Variants in CDK19 observed in about 807,000 individuals in gnomAD.
CDK19 encodes cyclin dependent kinase 19, also known as cyclin-dependent kinase 19.
A neutral mutation model predicts 68.3 loss-of-function variants in CDK19; 20 were observed. The observed-to-expected ratio is 0.29, with a 90% CI of 0.21 to 0.43. The LOEUF (loss-of-function observed/expected upper bound fraction) is 0.43. CDK19 is among the 20% of genes least tolerant of loss of function. The probability of loss-of-function intolerance (pLI) is 1.00; values close to 1 mark genes in which losing one functional copy is unlikely to be tolerated. For missense variants in CDK19, 339 were observed against 623.5 expected (o/e 0.54, Z 4.86); for synonymous variants, 221 against 222.8 (o/e 0.99, Z 0.07).
At position 110,628,522 on chromosome 6, in the gene CDK19, T is replaced by C. The variant is rs544567092; in HGVS notation, c.647-1377A>G. 5.3e-5 allele frequency among the ~76,000 whole-genome samples: 8 copies of C among 152,340 alleles called. No homozygotes were observed. In the South Asian group the frequency reaches 1.4e-3, roughly 28 times the overall value. ...GGGATGTGAATCATCCCTCTGTTCA[T>C]CCACACTGTATACTCACTACCCACT... On this transcript the variant is annotated intron_variant, in intron 6 of 12. Coordinates refer to ENST00000368911, the MANE Select transcript of CDK19 (RefSeq NM_015076.5).
Position 110,692,864 on chromosome 6 carries a change from G to A in CDK19, c.205-22323C>T, listed in dbSNP as rs1773131737. On this transcript the variant is annotated intron_variant, in intron 2 of 12. Coordinates refer to ENST00000368911, the MANE Select transcript of CDK19 (RefSeq NM_015076.5). ...ATACAAACATTAGCCAGACATGTTG[G>A]TGGGCACCTGTAATCCCAGCTACTT... 2.0e-5 allele frequency among the ~76,000 whole-genome samples: 3 copies of A among 152,156 alleles called. No individual in the cohort carries two copies. The South Asian group carries it at 6.2e-4, about 32-fold the overall frequency.
chr6:110,627,448 A>G (rs1396581189), intron 6 of CDK19, among the ~76,000 whole-genome samples: 1 of 152,206 alleles, frequency 6.6e-6, no homozygotes, highest in Non-Finnish European at 1.5e-5. Flanking sequence ...TTTTCTGATG[A>G]CAATAAATGG....
At chr6:110,677,625 C>T (rs1276764942) in intron 2 of CDK19, among the ~76,000 whole-genome samples, 1 of 150,788 alleles carries the variant, frequency 6.6e-6, no homozygotes, top group Non-Finnish European at 1.5e-5. Flanking sequence ...TTGAGGTTCT[C>T]TAGTATCACT....
intron 1 of CDK19, among the ~76,000 whole-genome samples, chr6:110,768,351 A>T (rs1378994339): frequency 6.6e-6 from 1 of 152,208 alleles, no homozygotes. Flanking sequence ...AAAACTAAAC[A>T]TGTTCATGCC....
chr6:110,646,592 C>CG, intron 4 of CDK19: 1 of 535,620 alleles, frequency 1.9e-6, no homozygotes, highest in Non-Finnish European at 2.9e-6. Context: ...ACCGGGCCAA[C>CG]GGCGGAGGGG....
intron 5 of CDK19, among the ~76,000 whole-genome samples, chr6:110,637,008 G>A (rs1213499250): frequency 1.8e-4 from 28 of 152,246 alleles, no homozygotes; most frequent in Admixed American, 1.8e-3. Context: ...AGACAGCTCT[G>A]ATATCACTAG....
At chr6:110,645,808 A>G (rs2691174) in intron 4 of CDK19, 128,244 of 601,258 alleles carry the variant, frequency 0.21, 14,938 homozygotes, top group African/African-American at 0.36. Flanking sequence ...CTATCTAGAG[A>G]CGGAGGGATG....
intron 1 of CDK19, among the ~76,000 whole-genome samples, chr6:110,771,143 T>G (rs1779989447): frequency 6.6e-6 from 1 of 152,184 alleles, no homozygotes; most frequent in South Asian, 2.1e-4. Flanking sequence ...TCCACTAGCC[T>G]GTGCCCCACT....
rs544720662 is a variant in CDK19 at position 110,704,415 on chromosome 6, C to T, written c.205-33874G>A. On this transcript the variant is annotated intron_variant, in intron 2 of 12. Transcript: ENST00000368911. ...CTTTTTCTCCCTTTTATCCAACTCTCCACCCCTCCTCCCCACCAACCCTTG... is the reference window on the plus strand; with the variant it reads ...CTTTTTCTCCCTTTTATCCAACTCTTCACCCCTCCTCCCCACCAACCCTTG... Among the ~76,000 whole-genome samples the T allele has an allele frequency of 3.3e-5, 5 of 152,128 alleles. No individual in the cohort carries two copies. The South Asian group carries it at 1.0e-3, about 32-fold the overall frequency.
At chr6:110,660,136 A>G (rs531404357) in intron 4 of CDK19, among the ~76,000 whole-genome samples, 1 of 152,268 alleles carries the variant, frequency 6.6e-6, no homozygotes, top group South Asian at 2.1e-4. Flanking sequence ...CTAGCCCCAA[A>G]TATCATTTAA....
chr6:110,688,228 A>G (rs141603080), intron 2 of CDK19, among the ~76,000 whole-genome samples: 1 of 152,100 alleles, frequency 6.6e-6, no homozygotes, highest in Non-Finnish European at 1.5e-5. Context: ...TCTACTAAAA[A>G]TAAAAAAATT....
intron 1 of CDK19, among the ~76,000 whole-genome samples, chr6:110,756,561 A>T (rs1010389062): frequency 1.3e-5 from 2 of 152,084 alleles, no homozygotes; most frequent in African/African-American, 4.8e-5. Context: ...CTTAAAAAAA[A>T]AAAAAAATTA....
At chr6:110,643,609 CAA>C (rs1211776771) in intron 4 of CDK19, among the ~76,000 whole-genome samples, 1 of 152,088 alleles carries the variant, frequency 6.6e-6, no homozygotes, top group East Asian at 1.9e-4. Flanking sequence ...ACAACAACAA[CAA>C]AAAAGTTTTC....
At chr6:110,812,245 C>G (rs1368122805) in intron 1 of CDK19, among the ~76,000 whole-genome samples, 1 of 151,946 alleles carries the variant, frequency 6.6e-6, no homozygotes, top group East Asian at 1.9e-4. Flanking sequence ...CTCAGCCTCC[C>G]GAGCAGCTGG....
chr6:110,655,806 CCTGT>C (rs1781277081), intron 4 of CDK19, among the ~76,000 whole-genome samples: 2 of 152,144 alleles, frequency 1.3e-5, no homozygotes, highest in South Asian at 4.1e-4. Context: ...TCTCCATAGC[CCTGT>C]CTGAGTGGTC....
chr6:110,813,817 C>A (rs9487533), intron 1 of CDK19: 1 of 152,170 alleles, frequency 6.6e-6, no homozygotes, highest in Admixed American at 6.5e-5. Context: ...CAAAGATAAG[C>A]GGCACTTCAA....
intron 1 of CDK19, among the ~76,000 whole-genome samples, chr6:110,798,628 G>GAA (rs59236293): frequency 1.6e-4 from 9 of 56,712 alleles, no homozygotes; most frequent in African/African-American, 4.0e-4. Context: ...TCTGTCTCCA[G>GAA]AAAAAAAAAA....
At chr6:110,717,709 G>A (rs1347571290) in intron 2 of CDK19, among the ~76,000 whole-genome samples, 2 of 151,908 alleles carry the variant, frequency 1.3e-5, no homozygotes, top group East Asian at 3.9e-4. Flanking sequence ...TTTTTGTTTT[G>A]TTTTGTTTTC....
chr6:110,629,744 T>C (rs2114690239), intron 6 of CDK19, among the ~76,000 whole-genome samples: 1 of 152,326 alleles, frequency 6.6e-6, no homozygotes, highest in South Asian at 2.1e-4. Context: ...TATTAACATA[T>C]TTGAAGCCCT....
Sources: allele counts gnomAD v4.1 joint callset (sites outside exome capture counted in the v4.1 genomes callset), GRCh38; gene constraint gnomAD v4.1.1; transcripts MANE v1.5; gene names NCBI Gene and HGNC (gene_info 2026-07-23, HGNC 2026-07-21).